UVRAG: variants seen among roughly 807,000 people sequenced by gnomAD.
UVRAG encodes the protein UV radiation resistance-associated gene protein.
UVRAG carries 19 observed loss-of-function variants against 78.0 expected under a neutral mutation model. The ratio of observed to expected loss-of-function variants is 0.24; its 90% confidence interval spans 0.17 to 0.36. The LOEUF (loss-of-function observed/expected upper bound fraction) is 0.36. UVRAG is among the 10% of genes least tolerant of loss of function. The pLI is 1.00. For missense variants in UVRAG, 740 were observed against 853.8 expected, an observed-to-expected ratio of 0.87 and a Z score of 1.66; for synonymous variants, 323 against 324.6, an observed-to-expected ratio of 1.00 and a Z score of 0.05.
chr11:76,063,383 GA>G (rs1951129066), intron 12 of UVRAG, among the ~76,000 whole-genome samples: 1 of 152,210 alleles, frequency 6.6e-6, no homozygotes, highest in Non-Finnish European at 1.5e-5. Flanking sequence ...TGATAATTAA[GA>G]TTGGATTTCT....
intron 2 of UVRAG, among the ~76,000 whole-genome samples, chr11:75,860,458 A>T (rs1015736502): frequency 6.6e-6 from 1 of 152,242 alleles, no homozygotes; most frequent in Non-Finnish European, 1.5e-5. Context: ...ATACAGTATT[A>T]TGTAAAAATA....
At chr11:75,888,093 A>G (rs563998610) in intron 4 of UVRAG, among the ~76,000 whole-genome samples, 1 of 152,268 alleles carries the variant, frequency 6.6e-6, no homozygotes, top group East Asian at 1.9e-4. Context: ...TGCCTTTTTG[A>G]AAATAGAATA....
chr11:76,106,664 A>G (rs945548003), intron 13 of UVRAG, among the ~76,000 whole-genome samples: 1 of 151,768 alleles, frequency 6.6e-6, no homozygotes, highest in Non-Finnish European at 1.5e-5. Context: ...CACCATACCC[A>G]GCCTCAGAAA....
At chr11:75,999,690 T>A (rs1316455833) in intron 8 of UVRAG, among the ~76,000 whole-genome samples, 5 of 152,144 alleles carry the variant, frequency 3.3e-5, no homozygotes, top group Non-Finnish European at 7.4e-5. Context: ...TATTTTTAGT[T>A]TTTTTATGCT....
intron 1 of UVRAG, among the ~76,000 whole-genome samples, chr11:75,845,652 A>G (rs1234822548): frequency 6.6e-6 from 1 of 152,228 alleles, no homozygotes; most frequent in Non-Finnish European, 1.5e-5. Flanking sequence ...TCTCCTTTAT[A>G]AGTACACATG....
At chr11:76,106,926 GGGCTGATTAA>G (rs1951982639) in intron 13 of UVRAG, among the ~76,000 whole-genome samples, 2 of 152,058 alleles carry the variant, frequency 1.3e-5, no homozygotes, top group African/African-American at 4.8e-5. Context: ...CTTCTTTGAT[GGGCTGATTAA>G]ACTGATTAAA....
intron 5 of UVRAG, among the ~76,000 whole-genome samples, chr11:75,901,911 A>G (rs1163616487): frequency 2.0e-5 from 3 of 152,086 alleles, no homozygotes; most frequent in Non-Finnish European, 2.9e-5. Flanking sequence ...GTGTGGATAG[A>G]TCCCTTTTAT....
At chr11:76,101,775 G>T (rs1409145069) in intron 13 of UVRAG, among the ~76,000 whole-genome samples, 2 of 152,074 alleles carry the variant, frequency 1.3e-5, no homozygotes, top group African/African-American at 4.8e-5. Context: ...AAGGAAGGGG[G>T]TTCAATTTCA....
chr11:76,075,611 C>G (rs80231567), intron 13 of UVRAG, among the ~76,000 whole-genome samples: 1 of 134,126 alleles, frequency 7.5e-6, no homozygotes, highest in African/African-American at 2.7e-5. Context: ...GACTGTGTCT[C>G]AAAAAAAAAA....
intron 13 of UVRAG, among the ~76,000 whole-genome samples, chr11:76,102,410 C>T (rs778627683): frequency 2.0e-5 from 3 of 152,046 alleles, no homozygotes; most frequent in Non-Finnish European, 4.4e-5. Context: ...GATTTTTGTA[C>T]GCTGATTTTG....
At chr11:75,983,806 G>A (rs1272973141) in intron 8 of UVRAG, 2 of 246,524 alleles carry the variant, frequency 8.1e-6, no homozygotes, top group Non-Finnish European at 1.5e-5. Context: ...ATAACACAAT[G>A]GTGAGTATTT....
intron 12 of UVRAG, among the ~76,000 whole-genome samples, chr11:76,043,759 C>T (rs1158656197): frequency 1.3e-5 from 2 of 152,170 alleles, no homozygotes; most frequent in Non-Finnish European, 2.9e-5. Context: ...GCTCAACCCT[C>T]AAATTATGAC....
intron 3 of UVRAG, among the ~76,000 whole-genome samples, chr11:75,877,290 T>A (rs1223443473): frequency 6.6e-6 from 1 of 152,210 alleles, no homozygotes; most frequent in East Asian, 1.9e-4. Context: ...TCTCAATCTT[T>A]TCCCCACCTT....
At chr11:75,931,722 A>G (rs938837004) in intron 6 of UVRAG, among the ~76,000 whole-genome samples, 2 of 152,240 alleles carry the variant, frequency 1.3e-5, no homozygotes, top group Admixed American at 6.5e-5. Flanking sequence ...AACATTAAAT[A>G]GTGATTTGGC....
intron 6 of UVRAG, among the ~76,000 whole-genome samples, chr11:75,923,701 G>A (rs1405377475): frequency 1.3e-5 from 2 of 152,038 alleles, no homozygotes; most frequent in African/African-American, 2.4e-5. Context: ...AGTACTCATC[G>A]CTCTGTCCAT....
chr11:76,028,109 A>G (rs940965605), intron 12 of UVRAG, among the ~76,000 whole-genome samples: 9 of 152,152 alleles, frequency 5.9e-5, no homozygotes, highest in Non-Finnish European at 1.2e-4. Flanking sequence ...AACTTTCACA[A>G]TATTTCAAGC....
At chr11:75,978,892 C>G (rs538670469) in intron 7 of UVRAG, among the ~76,000 whole-genome samples, 10 of 152,312 alleles carry the variant, frequency 6.6e-5, no homozygotes, top group African/African-American at 2.4e-4. Flanking sequence ...AGTCTTTCTC[C>G]GTCTAGCTTT....
intron 1 of UVRAG, among the ~76,000 whole-genome samples, chr11:75,828,964 G>A (rs1009650386): frequency 2.0e-5 from 3 of 151,484 alleles, no homozygotes; most frequent in East Asian, 1.9e-4. Flanking sequence ...CAAGCAATCC[G>A]CCCACCTTGG....
rs532595046 is a variant in UVRAG, at chr11:76,032,014, A to G, written c.1226+15034A>G. Among the ~76,000 whole-genome samples, 17 of 152,238 alleles carry G rather than the reference A, an allele frequency of 1.1e-4. No homozygotes were observed. In the South Asian group the frequency reaches 3.5e-3, roughly 32 times the overall value. On this transcript the variant is annotated intron_variant, in intron 12 of 14. Transcript: ENST00000356136. ...TTTTCTTTAATTCTTGTATGTTTGA[A>G]TTTTTTGGTAAGCAAAGAATGGGAG...
Sources: allele counts gnomAD v4.1 joint callset (sites outside exome capture counted in the v4.1 genomes callset), GRCh38; gene constraint gnomAD v4.1.1; transcripts MANE v1.5; gene names NCBI Gene and HGNC (gene_info 2026-07-23, HGNC 2026-07-21).